ABHD17B: variants seen among roughly 807,000 people sequenced by gnomAD.
ABHD17B encodes abhydrolase domain containing 17B, depalmitoylase, also known as alpha/beta hydrolase domain-containing protein 17B.
ABHD17B carries 9 observed loss-of-function variants against 26.2 expected under a neutral mutation model. The ratio of observed to expected loss-of-function variants is 0.34; its 90% confidence interval spans 0.21 to 0.60. ABHD17B has a LOEUF of 0.60. Among genes scored for constraint, ABHD17B ranks in the 20% least tolerant of loss-of-function variants. ABHD17B has a pLI of 0.80. For synonymous variants in ABHD17B, 127 were observed against 122.3 expected (o/e 1.04, Z -0.25); for missense variants, 224 against 352.1 (o/e 0.64, Z 2.91).
At chr9:71,873,665 T>C (rs7041110) in intron 2 of ABHD17B, among the ~76,000 whole-genome samples, 3 of 152,220 alleles carry the variant, frequency 2.0e-5, no homozygotes, top group Non-Finnish European at 4.4e-5. Flanking sequence ...CAAAGTGCTG[T>C]GATTACAGGC....
chr9:71,886,955 T>C (rs775333962), intron 1 of ABHD17B, among the ~76,000 whole-genome samples: 13 of 152,180 alleles, frequency 8.5e-5, no homozygotes, highest in Admixed American at 2.0e-4. Flanking sequence ...TCATGTCTGG[T>C]ACTTTTAAGG....
At chr9:71,867,150 A>T in intron 3 of ABHD17B, 144 bp from the exon 4 acceptor site, 1 of 1,059,264 alleles carries the variant, frequency 9.4e-7, no homozygotes, top group Non-Finnish European at 1.3e-6. Context: ...AATTTCCAGT[A>T]AGATTCAAAA....
intron 1 of ABHD17B, among the ~76,000 whole-genome samples, chr9:71,903,961 T>C (rs1827213962): frequency 1.3e-5 from 2 of 152,184 alleles, no homozygotes; most frequent in Admixed American, 1.3e-4. Context: ...GCTTGTCAAG[T>C]TCACACAACT....
intron 1 of ABHD17B, among the ~76,000 whole-genome samples, chr9:71,877,694 A>G (rs1406266739): frequency 6.6e-6 from 1 of 152,222 alleles, no homozygotes; most frequent in Non-Finnish European, 1.5e-5. Flanking sequence ...CTGGGATTAC[A>G]GGCATGAGCC....
In ABHD17B at chr9:71,866,688, T is replaced by C; in HGVS notation, c.*99A>G. The stretch of plus-strand genomic sequence containing the variant: ...TTACCTGTACATTTATGAAGGCAAC[T>C]GACATGATTTGCAAACAAAACCTTC... On this transcript the variant is annotated 3_prime_UTR_variant, in exon 4 of 4. Transcript: ENST00000333421. The C allele has an allele frequency of 4.6e-6, 7 of 1,510,088 alleles. No homozygotes were observed. Among genetic ancestry groups the C allele is most frequent in the Non-Finnish European group, 5.3e-6 (6 of 1,130,972 alleles). 93.5% of individuals were successfully genotyped at this position (1,510,088 alleles called of 1,614,324 possible). A position where few individuals can be genotyped will look rare whatever the true frequency, so the allele number is the denominator to read the frequency against.
downstream of ABHD17B, among the ~76,000 whole-genome samples, chr9:71,863,957 G>T (rs975413632): frequency 9.9e-5 from 15 of 152,070 alleles, no homozygotes; most frequent in Non-Finnish European, 1.9e-4. Context: ...TGTAAATGTG[G>T]TTTGAACAGC....
intron 3 of ABHD17B, 40 bp from the exon 4 acceptor site, chr9:71,867,046 A>G: frequency 6.3e-7 from 1 of 1,599,162 alleles, no homozygotes; most frequent in Non-Finnish European, 8.5e-7. Flanking sequence ...CAATAAATTA[A>G]CTATGTAAAG....
chr9:71,897,881 T>G (rs540042398), intron 1 of ABHD17B, among the ~76,000 whole-genome samples: 3 of 152,330 alleles, frequency 2.0e-5, no homozygotes, highest in African/African-American at 7.2e-5. Flanking sequence ...ATAGCACTAC[T>G]CTTAGATGTG....
intron 1 of ABHD17B, among the ~76,000 whole-genome samples, chr9:71,881,910 G>GA (rs79743924): frequency 0.018 from 2,466 of 137,458 alleles, 68 homozygotes; most frequent in African/African-American, 0.058. Context: ...AAAAAAAAAG[G>GA]AAAAAAAAAA....
chr9:71,866,221 T>C lies in ABHD17B; in HGVS notation c.*566A>G. Reference sequence around the variant, plus strand: ...ACATCTTTTTTAAAGGATAAATGTATGTAATCAGAGTATACAGAAAATTCA... The same window carrying C: ...ACATCTTTTTTAAAGGATAAATGTACGTAATCAGAGTATACAGAAAATTCA... On this transcript the variant is annotated 3_prime_UTR_variant, in exon 4 of 4. Transcript: ENST00000333421. 14 of 980,846 alleles carry C rather than the reference T, an allele frequency of 1.4e-5. No homozygotes were observed. The highest frequency in any genetic ancestry group is 1.6e-5 in the Non-Finnish European group (13 of 825,358). 60.8% of individuals were successfully genotyped at this position (980,846 alleles called of 1,614,324 possible).
intron 1 of ABHD17B, among the ~76,000 whole-genome samples, chr9:71,910,367 G>C (rs1339391229): frequency 6.6e-6 from 1 of 151,742 alleles, no homozygotes; most frequent in Non-Finnish European, 1.5e-5. Flanking sequence ...CCCTGACTCC[G>C]GCCGCTCCAC....
At chr9:71,908,746 A>G (rs186248390) in intron 1 of ABHD17B, among the ~76,000 whole-genome samples, 1 of 152,326 alleles carries the variant, frequency 6.6e-6, no homozygotes, top group Admixed American at 6.5e-5. Context: ...ATAATATCAA[A>G]ACAAAGTAAG....
downstream of ABHD17B, among the ~76,000 whole-genome samples, chr9:71,864,611 G>A (rs1009628364): frequency 1.3e-5 from 2 of 151,950 alleles, no homozygotes; most frequent in Non-Finnish European, 2.9e-5. Context: ...GGTCACCCAG[G>A]TCTACCCAAT....
At chr9:71,909,037 ATTT>A (rs1827367777) in intron 1 of ABHD17B, among the ~76,000 whole-genome samples, 1 of 152,106 alleles carries the variant, frequency 6.6e-6, no homozygotes, top group Non-Finnish European at 1.5e-5. Flanking sequence ...TTTTTTGGTG[ATTT>A]TGTTTGTCCC....
At chr9:71,874,545 C>A in intron 2 of ABHD17B, 69 bp downstream of exon 2, 3 of 1,311,720 alleles carry the variant, frequency 2.3e-6, no homozygotes, top group Non-Finnish European at 2.1e-6. Flanking sequence ...AGCTTTTATT[C>A]TATTCTTACA....
chr9:71,892,652 T>TG lies in ABHD17B; in HGVS notation c.-3-17570dup, dbSNP rs111633493. On this transcript the variant is annotated intron_variant, in intron 1 of 3. Transcript: ENST00000333421. Reference sequence around the variant, plus strand: ...TAAATTTACATTTAGCAAATTAATTTGGGGGGGGGAAGGCAGGTGATAAGG... The same window carrying TG: ...TAAATTTACATTTAGCAAATTAATTTGGGGGGGGGGAAGGCAGGTGATAAGG... 3.5e-3 allele frequency among the ~76,000 whole-genome samples: 454 copies of TG among 128,024 alleles called. 1 individual carries two copies. The East Asian group carries it at 0.037, about 10-fold the overall frequency. 84.0% of individuals were successfully genotyped at this position (128,024 alleles called of 152,430 possible).
chr9:71,864,752 T>G (rs1825908847), downstream of ABHD17B, among the ~76,000 whole-genome samples: 1 of 152,210 alleles, frequency 6.6e-6, no homozygotes, highest in Admixed American at 6.5e-5. Context: ...CCTTCAGCCC[T>G]TATCAAAATA....
downstream of ABHD17B, among the ~76,000 whole-genome samples, chr9:71,863,114 T>A (rs1464977302): frequency 6.6e-6 from 1 of 152,188 alleles, no homozygotes; most frequent in Non-Finnish European, 1.5e-5. Flanking sequence ...TGAAAGTTCT[T>A]CTTCATCATT....
At chr9:71,893,720 C>G (rs932442200) in intron 1 of ABHD17B, among the ~76,000 whole-genome samples, 4 of 152,224 alleles carry the variant, frequency 2.6e-5, no homozygotes, top group African/African-American at 7.2e-5. Flanking sequence ...CTAATCCTGC[C>G]TGTTTCTGGG....
Sources: allele counts gnomAD v4.1 joint callset (sites outside exome capture counted in the v4.1 genomes callset), GRCh38; gene constraint gnomAD v4.1.1; transcripts MANE v1.5; gene names NCBI Gene and HGNC (gene_info 2026-07-23, HGNC 2026-07-21).